TET1: variants seen among roughly 807,000 people sequenced by gnomAD.
TET1 encodes the protein tet methylcytosine dioxygenase 1.
TET1 carries 13 observed loss-of-function variants against 148.7 expected under a neutral mutation model. That is an observed-to-expected ratio of 0.09 (90% CI 0.06 to 0.14). The LOEUF (loss-of-function observed/expected upper bound fraction) is 0.14. Ranked by LOEUF, TET1 falls within the 10% of genes least tolerant of loss-of-function variation. The pLI, the probability that TET1 is intolerant of heterozygous loss-of-function variation, is 1.00. For synonymous variants in TET1, 907 were observed against 937.2 expected (o/e 0.97, Z 0.59); for missense variants, 2,182 against 2,553.8 (o/e 0.85, Z 3.14).
At chr10:68,594,486 C>T (rs959159138) in intron 2 of TET1, among the ~76,000 whole-genome samples, 1 of 152,070 alleles carries the variant, frequency 6.6e-6, no homozygotes, top group Non-Finnish European at 1.5e-5. Context: ...TAGATCTGGC[C>T]CCTTGGGAGA....
intron 1 of TET1, among the ~76,000 whole-genome samples, chr10:68,569,166 CTTTTTTTT>C (rs34385747): frequency 4.3e-5 from 3 of 69,766 alleles, no homozygotes; most frequent in East Asian, 4.8e-4. Flanking sequence ...AGGAGAGTTT[CTTTTTTTT>C]TTTTTTTTTT....
intron 2 of TET1, among the ~76,000 whole-genome samples, chr10:68,581,430 G>C (rs953880627): frequency 1.3e-5 from 2 of 152,176 alleles, no homozygotes; most frequent in African/African-American, 4.8e-5. Context: ...ATTGAACAGT[G>C]AGAGATTGTT....
intron 8 of TET1, chr10:68,673,426 G>A (rs1385474941): frequency 2.5e-6 from 1 of 407,308 alleles, no homozygotes; most frequent in African/African-American, 2.1e-5. Flanking sequence ...ATTACTAAAG[G>A]ACGTAATCCA....
intron 2 of TET1, among the ~76,000 whole-genome samples, chr10:68,578,467 C>T (rs2053756931): frequency 6.6e-6 from 1 of 152,088 alleles, no homozygotes; most frequent in African/African-American, 2.4e-5. Flanking sequence ...CCACGTTGGC[C>T]AGCCTGGTCA....
chr10:68,584,342 AT>A (rs1479520904), intron 2 of TET1, among the ~76,000 whole-genome samples: 1 of 150,436 alleles, frequency 6.6e-6, no homozygotes, highest in Non-Finnish European at 1.5e-5. Context: ...GCGCCCGGCC[AT>A]GAGTGAGTAA....
At chr10:68,667,616 C>A (rs1409050474) in intron 7 of TET1, among the ~76,000 whole-genome samples, 1 of 151,776 alleles carries the variant, frequency 6.6e-6, no homozygotes, top group Non-Finnish European at 1.5e-5. Flanking sequence ...TGGTGGCGGG[C>A]GCCTACAGTC....
At chr10:68,652,845 A>ATTTTTT (rs71019047) in intron 6 of TET1, among the ~76,000 whole-genome samples, 24 of 101,210 alleles carry the variant, frequency 2.4e-4, no homozygotes, top group South Asian at 7.1e-4. Context: ...AACCCGGCTA[A>ATTTTTT]TTTTTTTTTT....
chr10:68,691,207 C>G lies in TET1; in HGVS notation c.5804C>G (p.Thr1935Arg). The G allele has an allele frequency of 6.2e-7, 1 of 1,614,184 alleles. No individual in the cohort carries two copies. The highest frequency in any genetic ancestry group is 8.5e-7 in the Non-Finnish European group (1 of 1,180,030). The change falls in exon 12 of 12, where the codon ACG (threonine) becomes AGG (arginine). Residue 1935 changes from threonine (T) to arginine (R), a missense_variant. By Grantham distance (71) the Thr-to-Arg change is moderately conservative. This residue lies in a region of TET1 where 380 missense variants were observed against 387.9 expected (regional missense o/e 0.98). Transcript: ENST00000373644. This position sits in a 1 kb window ranked among gnomAD's most constrained non-coding sequence, Gnocchi z 4.4. ...EPSTGVTEPLTPHQPNHQPSF... is the reference protein window; with the variant it reads ...EPSTGVTEPLRPHQPNHQPSF... The stretch of plus-strand genomic sequence containing the variant: ...TCCACTGGTGTGACTGAGCCGCTAA[C>G]GCCTCATCAGCCAAACCACCAGCCC...
intron 2 of TET1, among the ~76,000 whole-genome samples, chr10:68,600,721 T>C (rs1054122598): frequency 1.2e-4 from 18 of 152,178 alleles, no homozygotes; most frequent in African/African-American, 4.1e-4. Flanking sequence ...TGGGCTTCGC[T>C]GTGAAGAATG....
At chr10:68,622,604 A>C (rs1336874274) in intron 3 of TET1, among the ~76,000 whole-genome samples, 1 of 151,744 alleles carries the variant, frequency 6.6e-6, no homozygotes, top group African/African-American at 2.4e-5. Flanking sequence ...TTGATCTCCA[A>C]CACAGTTCCA....
chr10:68,651,365 G>A (rs747232942), intron 4 of TET1, among the ~76,000 whole-genome samples: 1 of 152,032 alleles, frequency 6.6e-6, no homozygotes, highest in Non-Finnish European at 1.5e-5. Flanking sequence ...GAGGCAGAAT[G>A]GTGTGAACCC....
intron 2 of TET1, among the ~76,000 whole-genome samples, chr10:68,586,122 C>T (rs1268678059): frequency 1.3e-5 from 2 of 152,130 alleles, no homozygotes; most frequent in African/African-American, 4.8e-5. Context: ...GATCCTTCTG[C>T]CTCAGCCTCC....
In TET1 at chr10:68,574,203, G is replaced by T; in HGVS notation, c.1865G>T (p.Arg622Ile). The part of the protein sequence containing the change: ...RKNSHQICKK[R>I]KCEELKKKPS... The stretch of plus-strand genomic sequence containing the variant: ...AACAGCCATCAGATCTGTAAGAAAA[G>T]AAAATGTGAGGAGCTGAAAAAGAAA... The change falls in exon 2 of 12, where the codon AGA becomes ATA. Residue 622 changes from arginine (R) to isoleucine (I), a missense_variant. Arg to Ile is a moderately conservative substitution (Grantham distance 97, BLOSUM62 -3). Coordinates refer to ENST00000373644, the MANE Select transcript of TET1 (RefSeq NM_030625.3). 6.2e-7 allele frequency: 1 copy of T among 1,613,252 alleles called. No individual in the cohort carries two copies. Among genetic ancestry groups the T allele is most frequent in the Non-Finnish European group, 8.5e-7 (1 of 1,179,992 alleles).
intron 10 of TET1, among the ~76,000 whole-genome samples, chr10:68,684,238 A>T (rs979186143): frequency 3.3e-5 from 5 of 152,160 alleles, no homozygotes; most frequent in Non-Finnish European, 5.9e-5. Context: ...TACAATTTTT[A>T]AAAAATAATT....
At chr10:68,619,368 C>G (rs2054338160) in intron 3 of TET1, among the ~76,000 whole-genome samples, 1 of 152,010 alleles carries the variant, frequency 6.6e-6, no homozygotes, top group South Asian at 2.1e-4. Context: ...TAGCTGGGAA[C>G]ACACATGCTC....
rs777528593 is a variant in TET1 at position 68,573,248 on chromosome 10, A to G, written c.910A>G (p.Lys304Glu). 6 of 1,613,836 alleles carry G rather than the reference A, an allele frequency of 3.7e-6. No homozygotes were observed. In the Admixed American group the frequency reaches 8.3e-5, roughly 22 times the overall value. ...TTGCTACCCCACCTCCAGTCTTAAT[A>G]AGGTTATACCTGACTTGAACCTTAG... ...HDCYPTSSLN[K>E]VIPDLNLRNC... Residue 304 changes from lysine (K) to glutamate (E), a missense_variant, in exon 2 of 12, where the codon AAG becomes GAG. Transcript: ENST00000373644.
At chr10:68,575,012 T>C (rs932409256) in intron 2 of TET1, among the ~76,000 whole-genome samples, 1 of 152,242 alleles carries the variant, frequency 6.6e-6, no homozygotes, top group African/African-American at 2.4e-5. Flanking sequence ...TATGATGTTT[T>C]GTGATTTTTA....
intron 3 of TET1, chr10:68,632,557 G>A (rs2054589979): frequency 1.2e-6 from 2 of 1,608,244 alleles, no homozygotes; most frequent in Admixed American, 3.3e-5. Flanking sequence ...TGATGTTGGA[G>A]TAGGGGGGTT....
chr10:68,596,233 G>A (rs2053988198), intron 2 of TET1, among the ~76,000 whole-genome samples: 1 of 151,106 alleles, frequency 6.6e-6, no homozygotes, highest in African/African-American at 2.4e-5. Context: ...GTTATTTTAG[G>A]ATATTTACAA....
Sources: gnomAD v4.1 joint callset for allele counts (sites outside exome capture counted in the v4.1 genomes callset) on GRCh38, gnomAD v4.1.1 for gene constraint, gnomAD v4.1.1 regional missense constraint, Gnocchi (gnomAD v3.1) non-coding constraint, MANE v1.5 for transcripts, NCBI Gene and HGNC (gene_info 2026-07-23, HGNC 2026-07-21) for gene names.